Variants in EVI5 observed in about 807,000 individuals in gnomAD.
EVI5 encodes the protein ecotropic viral integration site 5 protein homolog.
EVI5 carries 73 observed loss-of-function variants against 112.0 expected under a neutral mutation model. That is an observed-to-expected ratio of 0.65 (90% CI 0.54 to 0.79). The LOEUF is 0.79. Among genes scored for constraint, EVI5 ranks in the 30% least tolerant of loss-of-function variants. The pLI is 0.00. For missense variants in EVI5, 900 were observed against 968.8 expected (o/e 0.93, Z 0.94); for synonymous variants, 305 against 319.9 (o/e 0.95, Z 0.50).
rs368480881 is a variant in EVI5, at chr1:92,597,980, G to A, written c.2070+7327C>T. Reference sequence around the variant, plus strand: ...AGGCTGAGGTGGGGGGATTGCTTGAGCCCAGTAGGTCAAGGCTGCAGTGAG... The same window carrying A: ...AGGCTGAGGTGGGGGGATTGCTTGAACCCAGTAGGTCAAGGCTGCAGTGAG... On this transcript the variant is annotated intron_variant, in intron 18 of 19. Transcript: ENST00000684568. Among the ~76,000 whole-genome samples, 110 of 152,272 alleles carry A rather than the reference G, an allele frequency of 7.2e-4. 1 individual carries two copies. Among genetic ancestry groups the A allele is most frequent in the South Asian group, 4.1e-3 (20 of 4,826 alleles).
rs138688038 is a variant in EVI5 at position 92,693,906 on chromosome 1, T to A, written c.1000-7A>T. The stretch of plus-strand genomic sequence containing the variant: ...GAATGACCTTTTGAAAGTGCTAAGA[T>A]ACAATTAAAAAAAAAACATAAGAAT... On this transcript the variant is annotated splice_polypyrimidine_tract_variant and splice_region_variant and intron_variant, in intron 8 of 19. Transcript: ENST00000684568. 6.6e-7 allele frequency: 1 copy of A among 1,503,994 alleles called. No homozygotes were observed. 93.2% of individuals were successfully genotyped at this position (1,503,994 alleles called of 1,614,324 possible). A position where few individuals can be genotyped will look rare whatever the true frequency, so the allele number is the denominator to read the frequency against.
chr1:92,755,068 GTTT>G (rs3216193), intron 1 of EVI5, among the ~76,000 whole-genome samples: 2 of 33,604 alleles, frequency 6.0e-5, no homozygotes, highest in Non-Finnish European at 1.3e-4. Context: ...GTGAACATAG[GTTT>G]TTTTTTTTTT....
intron 10 of EVI5, among the ~76,000 whole-genome samples, chr1:92,670,935 C>T (rs151321770): frequency 5.0e-4 from 76 of 152,154 alleles, no homozygotes; most frequent in Middle Eastern, 3.4e-3. Flanking sequence ...CACTAAATTC[C>T]GTATCTTCCT....
At chr1:92,658,915 G>A (rs1017340325) in intron 13 of EVI5, among the ~76,000 whole-genome samples, 2 of 151,986 alleles carry the variant, frequency 1.3e-5, no homozygotes, top group African/African-American at 2.4e-5. Context: ...CAGAAAACCA[G>A]AAATAAAGTC....
Position 92,562,197 on chromosome 1 carries a change from T to C in EVI5, c.2166+1445A>G, listed in dbSNP as rs149642689. ...ATAAAGATTTCTACAACACACTTAA[T>C]TGTAACTTGTTCTTTCACACTATGG... is the stretch of plus-strand genomic sequence containing the variant. On this transcript the variant is annotated intron_variant, in intron 19 of 19. Coordinates refer to ENST00000684568, the MANE Select transcript of EVI5 (RefSeq NM_001350197.2). 8.7e-3 allele frequency among the ~76,000 whole-genome samples: 1,322 copies of C among 152,284 alleles called. 21 individuals are homozygous for C. Among genetic ancestry groups the C allele is most frequent in the Middle Eastern group, 0.024 (7 of 294 alleles).
intron 2 of EVI5, among the ~76,000 whole-genome samples, chr1:92,734,627 T>C (rs370211069): frequency 4.9e-4 from 74 of 152,278 alleles, no homozygotes; most frequent in African/African-American, 1.6e-3. Flanking sequence ...ACATGTATAG[T>C]GGCTTTAGAT....
chr1:92,697,176 C>T (rs1670457513), intron 6 of EVI5, among the ~76,000 whole-genome samples: 1 of 151,960 alleles, frequency 6.6e-6, no homozygotes, highest in African/African-American at 2.4e-5. Context: ...GGCTCTCATG[C>T]CAGCTGATTC....
chr1:92,735,975 T>A, intron 2 of EVI5, among the ~76,000 whole-genome samples: 1 of 150,930 alleles, frequency 6.6e-6, no homozygotes, highest in East Asian at 1.9e-4. Context: ...TTCTATTTAA[T>A]ACCATTAGGA....
chr1:92,715,456 T>G (rs11800409), intron 2 of EVI5, among the ~76,000 whole-genome samples: 30,401 of 152,178 alleles, frequency 0.2, 3,542 homozygotes, highest in Non-Finnish European at 0.26. Flanking sequence ...ATCTCTTTTC[T>G]GAACATCTTT....
chr1:92,688,089 T>C (rs1668866517), intron 9 of EVI5, among the ~76,000 whole-genome samples: 1 of 152,210 alleles, frequency 6.6e-6, no homozygotes, highest in Non-Finnish European at 1.5e-5. Flanking sequence ...CACATGTATA[T>C]TTATTGCGGC....
At chr1:92,590,292 A>C (rs1407688459) in intron 18 of EVI5, among the ~76,000 whole-genome samples, 2 of 152,174 alleles carry the variant, frequency 1.3e-5, no homozygotes, top group Non-Finnish European at 2.9e-5. Context: ...TGAGAGAAGA[A>C]GGCTTCAGAC....
intron 18 of EVI5, among the ~76,000 whole-genome samples, chr1:92,592,314 A>G (rs1197025685): frequency 6.6e-6 from 1 of 152,240 alleles, no homozygotes. Flanking sequence ...CTGCTCCTGA[A>G]TGACTACTGG....
intron 9 of EVI5, among the ~76,000 whole-genome samples, chr1:92,684,494 T>G (rs1403903276): frequency 6.6e-6 from 1 of 152,124 alleles, no homozygotes; most frequent in Non-Finnish European, 1.5e-5. Context: ...ACTGAATCAA[T>G]TAATGGGCAA....
In EVI5 at chr1:92,763,518, C is replaced by T. The variant is rs183603784; in HGVS notation, c.-82+21318G>A. Among the ~76,000 whole-genome samples the T allele has an allele frequency of 6.6e-5, 10 of 152,014 alleles. No individual in the cohort carries two copies. The East Asian group carries it at 1.7e-3, about 27-fold the overall frequency. ...TAGTCCCAGCTACTTGGGAGGCTGA[C>T]GCAGGAGAATCACTGGCACCCTGGA... On this transcript the variant is annotated intron_variant, in intron 1 of 19. Transcript: ENST00000684568.
At chr1:92,746,976 C>A (rs1249975796) in intron 1 of EVI5, among the ~76,000 whole-genome samples, 2 of 151,254 alleles carry the variant, frequency 1.3e-5, no homozygotes, top group African/African-American at 4.9e-5. Context: ...TTACCCAATA[C>A]AAGTAACGGG....
chr1:92,590,993 A>G (rs1230499601), intron 18 of EVI5, among the ~76,000 whole-genome samples: 2 of 152,224 alleles, frequency 1.3e-5, no homozygotes. Flanking sequence ...TCAACCCAGA[A>G]TTTCATATCC....
rs544426739 is a variant in EVI5 at position 92,560,532 on chromosome 1, A to G, written c.2166+3110T>C. On this transcript the variant is annotated intron_variant, in intron 19 of 19. Transcript: ENST00000684568. ...TGACTTGGACACGTCTCTGTATGCTATGCTGCTATACAAAACTTTTTTTTC... is the reference window on the plus strand; with the variant it reads ...TGACTTGGACACGTCTCTGTATGCTGTGCTGCTATACAAAACTTTTTTTTC... 4.6e-5 allele frequency among the ~76,000 whole-genome samples: 7 copies of G among 152,082 alleles called. 1 individual carries two copies. In the South Asian group the frequency reaches 1.5e-3, roughly 32 times the overall value.
chr1:92,529,179 C>T (rs1662430756), intron 19 of EVI5, among the ~76,000 whole-genome samples: 2 of 152,084 alleles, frequency 1.3e-5, no homozygotes, highest in Admixed American at 1.3e-4. Flanking sequence ...TCATATAGAC[C>T]CATAAGAGAA....
chr1:92,724,763 G>A (rs1414378715), intron 2 of EVI5, among the ~76,000 whole-genome samples: 1 of 151,986 alleles, frequency 6.6e-6, no homozygotes, highest in East Asian at 1.9e-4. Flanking sequence ...AGCTGTGATG[G>A]CACCATTGCA....
Sources: allele counts gnomAD v4.1 joint callset (sites outside exome capture counted in the v4.1 genomes callset), GRCh38; gene constraint gnomAD v4.1.1; transcripts MANE v1.5; gene names NCBI Gene and HGNC (gene_info 2026-07-23, HGNC 2026-07-21).